MFN1: variants seen among roughly 807,000 people sequenced by gnomAD.
MFN1 encodes the protein mitofusin 1.
MFN1 carries 65 observed loss-of-function variants against 92.4 expected under a neutral mutation model. The ratio of observed to expected loss-of-function variants is 0.70; its 90% CI spans 0.58 to 0.86. The LOEUF (loss-of-function observed/expected upper bound fraction) is 0.86, where lower values mean the gene tolerates loss of function less well. Among genes scored for constraint, MFN1 ranks in the 40% least tolerant of loss-of-function variants. The pLI, the probability that MFN1 is intolerant of heterozygous loss-of-function variation, is 0.00. For missense variants in MFN1, 781 were observed against 868.0 expected (o/e 0.90, Z 1.26); for synonymous variants, 297 against 300.9 (o/e 0.99, Z 0.13).
At chr3:179,376,332 G>A (rs1207017519) in intron 10 of MFN1, among the ~76,000 whole-genome samples, 1 of 152,110 alleles carries the variant, frequency 6.6e-6, no homozygotes, top group Non-Finnish European at 1.5e-5. Context: ...CTTTGATGTA[G>A]TACCCAAATT....
intron 6 of MFN1, 150 bp downstream of exon 6, chr3:179,364,555 A>G (rs1712710305): frequency 1.3e-5 from 8 of 633,700 alleles, no homozygotes; most frequent in South Asian, 2.0e-5. Flanking sequence ...TCATAGAACC[A>G]GAAGGGCTGT....
intron 4 of MFN1, among the ~76,000 whole-genome samples, chr3:179,362,100 T>A (rs1236207259): frequency 6.6e-6 from 1 of 152,216 alleles, no homozygotes; most frequent in Non-Finnish European, 1.5e-5. Context: ...GAACAGAGAC[T>A]CCAGAACTTA....
At chr3:179,352,134 C>T in intron 3 of MFN1, 99 bp downstream of exon 3, 1 of 1,264,450 alleles carries the variant, frequency 7.9e-7, no homozygotes, top group Non-Finnish European at 1.1e-6. Flanking sequence ...CCCAGCCCCG[C>T]AAGTTTCTGC....
rs750933104 is a variant in MFN1 at position 179,368,031 on chromosome 3, T to C, written c.908-5T>C. 6.5e-7 allele frequency: 1 copy of C among 1,546,894 alleles called. No homozygotes were observed. Among genetic ancestry groups the C allele is most frequent in the East Asian group, 2.5e-5 (1 of 40,596 alleles). On this transcript the variant is annotated splice_region_variant and splice_polypyrimidine_tract_variant and intron_variant, in intron 8 of 17. Transcript: ENST00000471841. Reference sequence around the variant, plus strand: ...GGTTTTTAAATCTTTGCCTGTACGTTACAGGTGTGGCACTTGCTGAAGGAT... The same window carrying C: ...GGTTTTTAAATCTTTGCCTGTACGTCACAGGTGTGGCACTTGCTGAAGGAT...
rs1712734358 is a variant in MFN1, at chr3:179,365,128, T to G, written c.656T>G (p.Phe219Cys). The stretch of plus-strand genomic sequence containing the variant: ...TTTTTTGTTTTTCAGGAAAAACACT[T>G]TTTTCACAAGGTGAATGAGCGGCTT... Reference protein sequence around the residue: ...ESTLMNTEKHFFHKVNERLSK... With the variant: ...ESTLMNTEKHCFHKVNERLSK... The change falls in exon 7 of 18, where the codon TTT becomes TGT. Residue 219 changes from phenylalanine (F) to cysteine (C), a missense_variant. Coordinates refer to ENST00000471841, the MANE Select transcript of MFN1 (RefSeq NM_033540.3). 1.3e-6 allele frequency: 2 copies of G among 1,537,606 alleles called. No homozygotes were observed. Among genetic ancestry groups the G allele is most frequent in the South Asian group, 1.3e-5 (1 of 77,820 alleles).
At chr3:179,367,845 C>T (rs999849278) in intron 8 of MFN1, among the ~76,000 whole-genome samples, 191 bp from the exon 9 acceptor site, 4 of 151,628 alleles carry the variant, frequency 2.6e-5, no homozygotes, top group Non-Finnish European at 5.9e-5. Context: ...ATTGCTTGAA[C>T]CCAGGAGGCG....
At chr3:179,359,495 G>A (rs1344502210) in intron 4 of MFN1, among the ~76,000 whole-genome samples, 31 of 137,402 alleles carry the variant, frequency 2.3e-4, no homozygotes, top group African/African-American at 8.4e-4. Flanking sequence ...ATCTTGGCTC[G>A]CTGCAACCTC....
rs758363185 is a variant in MFN1 at position 179,348,902 on chromosome 3, G to C, written c.51G>C (p.Ala17=). The change falls in exon 2 of 18, where the codon GCG becomes GCC. Residue 17 remains alanine (A), a synonymous_variant. Coordinates refer to ENST00000471841, the MANE Select transcript of MFN1 (RefSeq NM_033540.3). The part of the protein sequence containing the change: ...PLKHFVLAKK[A]ITAIFDQLLE... ...AGCACTTTGTGCTGGCTAAGAAGGC[G>C]ATTACTGCAATCTTTGACCAGTTAC... is the stretch of plus-strand genomic sequence containing the variant. 6.2e-7 allele frequency: 1 copy of C among 1,606,510 alleles called. No individual in the cohort carries two copies. Among genetic ancestry groups the C allele is most frequent in the Non-Finnish European group, 8.5e-7 (1 of 1,174,128 alleles).
chr3:179,353,110 GTGGCACCATCTCGGCTCAC>G (rs1712214645), intron 3 of MFN1, among the ~76,000 whole-genome samples: 1 of 143,108 alleles, frequency 7.0e-6, no homozygotes, highest in African/African-American at 2.7e-5. Context: ...TTGGAGTGCA[GTGGCACCATCTCGGCTCAC>G]TGCAACCTCC....
Position 179,386,707 on chromosome 3 carries a change from GTGTAT to G in MFN1, c.2012+81_2012+85del. ...TACATGCAGAAAAAGCACAAAATAA[GTGTAT>G]TGCTCAAAGAATTATCACAAAATGA... is the stretch of plus-strand genomic sequence containing the variant. On this transcript the variant is annotated intron_variant, in intron 16 of 17. Coordinates refer to ENST00000471841, the MANE Select transcript of MFN1 (RefSeq NM_033540.3). 4 of 1,270,738 alleles carry G rather than the reference GTGTAT, an allele frequency of 3.1e-6. No homozygotes were observed. The South Asian group carries it at 5.7e-5, about 18-fold the overall frequency. The allele number at this position is 1,270,738 out of a possible 1,614,324, so 78.7% of individuals were successfully genotyped here.
chr3:179,378,253 T>A, intron 12 of MFN1, 88 bp from the exon 13 acceptor site: 1 of 1,000,262 alleles, frequency 1.0e-6, no homozygotes, highest in South Asian at 1.5e-5. Flanking sequence ...AAAAGACCAT[T>A]TTGGCATTTA....
intron 14 of MFN1, among the ~76,000 whole-genome samples, chr3:179,382,028 G>T (rs1324704223): frequency 6.6e-6 from 1 of 151,802 alleles, no homozygotes; most frequent in Non-Finnish European, 1.5e-5. Context: ...AAAAGATTTG[G>T]TTTTCACATT....
intron 3 of MFN1, among the ~76,000 whole-genome samples, chr3:179,352,282 G>C (rs1712178409): frequency 6.6e-6 from 1 of 152,160 alleles, no homozygotes; most frequent in Non-Finnish European, 1.5e-5. Flanking sequence ...CTTGTAGACA[G>C]TTTTAAGAAT....
intron 7 of MFN1, among the ~76,000 whole-genome samples, chr3:179,365,543 A>G (rs1712753935): frequency 6.6e-6 from 1 of 152,194 alleles, no homozygotes; most frequent in African/African-American, 2.4e-5. Flanking sequence ...TGCTGGGATG[A>G]CAGGCCTGAG....
chr3:179,354,424 G>A (rs1712270033), intron 3 of MFN1, among the ~76,000 whole-genome samples: 1 of 152,194 alleles, frequency 6.6e-6, no homozygotes, highest in Admixed American at 6.5e-5. Flanking sequence ...TTGGAAAATA[G>A]TCCTGAGAGG....
chr3:179,367,570 A>G lies in MFN1; in HGVS notation c.885A>G (p.Lys295=), dbSNP rs1712845889. 6.2e-7 allele frequency: 1 copy of G among 1,611,950 alleles called. No individual in the cohort carries two copies. Among genetic ancestry groups the G allele is most frequent in the Non-Finnish European group, 8.5e-7 (1 of 1,179,332 alleles). Residue 295 remains lysine (K), a synonymous_variant, in exon 8 of 18, where the codon AAA becomes AAG. Transcript: ENST00000471841. ...AAGTTCTTAGTGCTAGAAAGCAAAAAGCACAGGGGATGCCAGAAAGTGGTA... is the reference window on the plus strand; with the variant it reads ...AAGTTCTTAGTGCTAGAAAGCAAAAGGCACAGGGGATGCCAGAAAGTGGTA... ...AKEVLSARKQ[K]AQGMPESGVA...
At chr3:179,356,456 T>A (rs980723386) in intron 3 of MFN1, among the ~76,000 whole-genome samples, 1 of 152,196 alleles carries the variant, frequency 6.6e-6, no homozygotes, top group Admixed American at 6.5e-5. Context: ...CTTCCCTGAG[T>A]TCTGTGAGCT....
At chr3:179,349,757 T>C (rs1296703808) in intron 2 of MFN1, among the ~76,000 whole-genome samples, 3 of 151,276 alleles carry the variant, frequency 2.0e-5, no homozygotes, top group African/African-American at 7.3e-5. Flanking sequence ...ATCACCTCTC[T>C]TGGCCTCCCA....
intron 3 of MFN1, among the ~76,000 whole-genome samples, chr3:179,353,696 A>G (rs1285592765): frequency 6.6e-6 from 1 of 152,252 alleles, no homozygotes; most frequent in Non-Finnish European, 1.5e-5. Context: ...CACAGCTTAT[A>G]TGCAAAGACA....
Sources: allele counts gnomAD v4.1 joint callset (sites outside exome capture counted in the v4.1 genomes callset), GRCh38; gene constraint gnomAD v4.1.1; transcripts MANE v1.5; gene names NCBI Gene and HGNC (gene_info 2026-07-23, HGNC 2026-07-21).